NPAS2: variants seen among roughly 807,000 people sequenced by gnomAD.
NPAS2 encodes the protein neuronal PAS domain-containing protein 2.
In NPAS2, 23 loss-of-function variants were observed where a neutral mutation model predicts 107.5. The ratio of observed to expected loss-of-function variants is 0.21; its 90% CI spans 0.15 to 0.30. The LOEUF (loss-of-function observed/expected upper bound fraction) is 0.30. Ranked by LOEUF, NPAS2 falls within the 10% of genes least tolerant of loss-of-function variation. The pLI, the probability that NPAS2 is intolerant of heterozygous loss-of-function variation, is 1.00. For synonymous variants in NPAS2, 403 were observed against 417.5 expected (o/e 0.97, Z 0.42); for missense variants, 756 against 1,043.3 (o/e 0.72, Z 3.79).
rs1573770734 is a variant in NPAS2, at chr2:100,975,514, A to C, written c.1339A>C (p.Thr447Pro). 1 of 1,613,190 alleles carries C rather than the reference A, an allele frequency of 6.2e-7. No homozygotes were observed. Among genetic ancestry groups the C allele is most frequent in the South Asian group, 1.1e-5 (1 of 90,898 alleles). Residue 447 changes from threonine (T) to proline (P), a missense_variant, in exon 14 of 21, where the codon ACC (threonine) becomes CCC (proline). Physicochemically the swap from Thr to Pro is conservative, Grantham distance 38. Coordinates refer to ENST00000335681, the MANE Select transcript of NPAS2 (RefSeq NM_002518.4). ...ASTPALPRSA[T>P]LPQELPVPGL... ...CACCCCGGCTTTGCCAAGATCAGCC[A>C]CCCTGCCCCAAGAGTTACCTGTCCC...
At chr2:100,960,290 C>T (rs149078607) in intron 7 of NPAS2, among the ~76,000 whole-genome samples, 116 of 152,106 alleles carry the variant, frequency 7.6e-4, no homozygotes, top group African/African-American at 2.1e-3. Context: ...AGGCCGGGCA[C>T]GGTGGCTCAC....
intron 7 of NPAS2, among the ~76,000 whole-genome samples, chr2:100,954,343 C>G (rs1243858134): frequency 6.6e-6 from 1 of 152,098 alleles, no homozygotes; most frequent in Non-Finnish European, 1.5e-5. Flanking sequence ...CAGCAAGGCC[C>G]CAGATGTCAA....
chr2:100,869,649 C>T (rs6732122), intron 1 of NPAS2, among the ~76,000 whole-genome samples: 7,825 of 152,180 alleles, frequency 0.051, 667 homozygotes, highest in African/African-American at 0.18. Flanking sequence ...TCCGTGTGGG[C>T]GGGTTTATTC....
chr2:100,947,500 C>T (rs1285534826), intron 5 of NPAS2, among the ~76,000 whole-genome samples: 1 of 148,810 alleles, frequency 6.7e-6, no homozygotes, highest in Non-Finnish European at 1.5e-5. Flanking sequence ...GGCAGTGAGC[C>T]GAGATCACAC....
At chr2:100,979,226 C>A (rs1431653621) in intron 15 of NPAS2, among the ~76,000 whole-genome samples, 3 of 151,830 alleles carry the variant, frequency 2.0e-5, no homozygotes, top group Non-Finnish European at 2.9e-5. Flanking sequence ...CTATATTCAC[C>A]CTCATTAGGC....
chr2:100,875,616 G>A (rs1258143702), intron 1 of NPAS2, among the ~76,000 whole-genome samples: 1 of 152,194 alleles, frequency 6.6e-6, no homozygotes, highest in Non-Finnish European at 1.5e-5. Flanking sequence ...GCAGCTTGTC[G>A]AGGCTTGAAA....
chr2:100,933,697 C>G (rs928253974), intron 4 of NPAS2, among the ~76,000 whole-genome samples: 5 of 152,172 alleles, frequency 3.3e-5, no homozygotes, highest in Admixed American at 3.3e-4. Context: ...AAGCATAAGC[C>G]TCTACAGAAA....
At chr2:100,966,241 G>A (rs1676205733) in intron 10 of NPAS2, among the ~76,000 whole-genome samples, 1 of 152,172 alleles carries the variant, frequency 6.6e-6, no homozygotes, top group South Asian at 2.1e-4. Context: ...AGAAATGGGT[G>A]ACTTTGTGGG....
intron 1 of NPAS2, among the ~76,000 whole-genome samples, chr2:100,841,506 T>A (rs1399302391): frequency 6.6e-6 from 1 of 152,036 alleles, no homozygotes; most frequent in Non-Finnish European, 1.5e-5. Context: ...CTATGAAAAA[T>A]TTGGAGAAAG....
intron 1 of NPAS2, among the ~76,000 whole-genome samples, chr2:100,895,831 C>T (rs1648706224): frequency 6.6e-6 from 1 of 152,184 alleles, no homozygotes; most frequent in Non-Finnish European, 1.5e-5. Context: ...GTAAGGCACT[C>T]TTCCTACCAA....
intron 1 of NPAS2, among the ~76,000 whole-genome samples, chr2:100,902,413 C>G (rs1681843277): frequency 6.6e-6 from 1 of 152,160 alleles, no homozygotes; most frequent in African/African-American, 2.4e-5. Context: ...AGAGTGTGAC[C>G]CATGCAGCAA....
chr2:100,902,088 C>T (rs1348959155), intron 1 of NPAS2, among the ~76,000 whole-genome samples: 2 of 152,092 alleles, frequency 1.3e-5, no homozygotes, highest in African/African-American at 2.4e-5. Flanking sequence ...AAAGTAGATG[C>T]TCAAAATCCT....
At chr2:100,854,395 A>T (rs1274332181) in intron 1 of NPAS2, among the ~76,000 whole-genome samples, 3 of 151,920 alleles carry the variant, frequency 2.0e-5, no homozygotes, top group Non-Finnish European at 2.9e-5. Context: ...AGAGAGAGAG[A>T]CCTCAACCAG....
At chr2:100,855,854 A>G (rs1313866616) in intron 1 of NPAS2, among the ~76,000 whole-genome samples, 1 of 151,830 alleles carries the variant, frequency 6.6e-6, no homozygotes, top group African/African-American at 2.4e-5. Flanking sequence ...TTTCCCCAAA[A>G]CTCTTGGAGG....
intron 7 of NPAS2, among the ~76,000 whole-genome samples, chr2:100,952,564 C>CAA (rs371082912): frequency 6.9e-6 from 1 of 144,180 alleles, no homozygotes; most frequent in African/African-American, 2.5e-5. Context: ...AACTCTGTCT[C>CAA]AAAAAAAAAA....
intron 5 of NPAS2, among the ~76,000 whole-genome samples, chr2:100,947,658 T>G (rs948309619): frequency 6.6e-6 from 1 of 152,202 alleles, no homozygotes; most frequent in Admixed American, 6.5e-5. Flanking sequence ...CAGCACAGAT[T>G]ACAGACCATT....
intron 7 of NPAS2, among the ~76,000 whole-genome samples, chr2:100,955,524 A>C (rs1345234340): frequency 1.3e-5 from 2 of 152,186 alleles, no homozygotes; most frequent in Non-Finnish European, 2.9e-5. Flanking sequence ...CTCCTAGACC[A>C]GCTCCACAAT....
chr2:100,965,759 C>G lies in NPAS2; in HGVS notation c.900C>G (p.His300Gln). 6.2e-7 allele frequency: 1 copy of G among 1,611,326 alleles called. No individual in the cohort carries two copies. Among genetic ancestry groups the G allele is most frequent in the Non-Finnish European group, 8.5e-7 (1 of 1,177,596 alleles). Residue 300 changes from histidine (H) to glutamine (Q), a missense_variant, in exon 10 of 21, where the codon CAC (histidine) becomes CAG (glutamine). Physicochemically the swap from His to Gln is conservative, Grantham distance 24. Transcript: ENST00000335681. This position sits in a 1 kb window ranked among gnomAD's most constrained non-coding sequence, Gnocchi z 4.3. Reference sequence around the variant, plus strand: ...ACCTGGAGCTCCTGGCCAGGTGTCACCAGCACCGTGAGTACCACTGCCCAG... The same window carrying G: ...ACCTGGAGCTCCTGGCCAGGTGTCAGCAGCACCGTGAGTACCACTGCCCAG... ...IDDLELLARC[H>Q]QHLMQFGKGK... is the part of the protein sequence containing the mutation.
intron 1 of NPAS2, among the ~76,000 whole-genome samples, chr2:100,855,880 C>G (rs1297316065): frequency 6.6e-6 from 1 of 152,164 alleles, no homozygotes; most frequent in Non-Finnish European, 1.5e-5. Flanking sequence ...TGCACAATGC[C>G]TAGTACAGAG....
Sources: allele counts gnomAD v4.1 joint callset (sites outside exome capture counted in the v4.1 genomes callset), GRCh38; gene constraint gnomAD v4.1.1; non-coding constraint Gnocchi (gnomAD v3.1); transcripts MANE v1.5; gene names NCBI Gene and HGNC (gene_info 2026-07-23, HGNC 2026-07-21).